Variants in PARN observed in about 807,000 individuals in gnomAD.
The protein encoded by PARN is poly(A)-specific ribonuclease, also known as poly(A)-specific ribonuclease PARN.
PARN carries 71 observed loss-of-function variants against 102.8 expected under a neutral mutation model. That is an observed-to-expected ratio of 0.69 (90% CI 0.57 to 0.84). The LOEUF (loss-of-function observed/expected upper bound fraction) is 0.84, where lower values mean the gene tolerates loss of function less well. Among genes scored for constraint, PARN ranks in the 40% least tolerant of loss-of-function variants. The probability of loss-of-function intolerance (pLI) is 0.00; values close to 1 mark genes in which losing one functional copy is unlikely to be tolerated. For synonymous variants in PARN, 261 were observed against 252.9 expected (o/e 1.03, Z -0.30); for missense variants, 782 against 760.9 (o/e 1.03, Z -0.33).
At chr16:14,492,549 T>A (rs147686874) in intron 21 of PARN, among the ~76,000 whole-genome samples, 1 of 151,982 alleles carries the variant, frequency 6.6e-6, no homozygotes, top group East Asian at 1.9e-4. Flanking sequence ...CAGGGCAGAG[T>A]GTGATCTTGG....
chr16:14,587,183 T>C (rs1173858852), intron 13 of PARN, among the ~76,000 whole-genome samples: 2 of 152,224 alleles, frequency 1.3e-5, no homozygotes, highest in East Asian at 3.8e-4. Context: ...GCTAGCCTGA[T>C]ATATTTACCA....
intron 22 of PARN, among the ~76,000 whole-genome samples, chr16:14,468,613 T>C (rs1048539134): frequency 6.6e-6 from 1 of 152,208 alleles, no homozygotes; most frequent in Non-Finnish European, 1.5e-5. Context: ...CTAATTATTC[T>C]GTTCGGAACC....
chr16:14,581,849 G>A (rs950430271), intron 17 of PARN, among the ~76,000 whole-genome samples: 2 of 152,214 alleles, frequency 1.3e-5, no homozygotes, highest in African/African-American at 4.8e-5. Flanking sequence ...GTTGCAGTAA[G>A]CTATGATTGA....
At chr16:14,549,765 A>G (rs1188641342) in intron 21 of PARN, among the ~76,000 whole-genome samples, 1 of 152,236 alleles carries the variant, frequency 6.6e-6, no homozygotes, top group African/African-American at 2.4e-5. Flanking sequence ...TTTAATAATT[A>G]CCTACCACGG....
At chr16:14,566,184 T>C (rs1372021203) in intron 18 of PARN, among the ~76,000 whole-genome samples, 1 of 152,196 alleles carries the variant, frequency 6.6e-6, no homozygotes, top group Admixed American at 6.5e-5. Context: ...AAAGGAATCT[T>C]AGTAGATGTT....
intron 13 of PARN, among the ~76,000 whole-genome samples, chr16:14,590,834 A>T (rs1440680250): frequency 1.3e-5 from 2 of 152,126 alleles, no homozygotes; most frequent in East Asian, 3.8e-4. Context: ...TTTTTAAAGG[A>T]GGGTAATCAA....
intron 21 of PARN, among the ~76,000 whole-genome samples, chr16:14,502,227 C>T (rs1183545776): frequency 3.3e-5 from 5 of 152,162 alleles, no homozygotes; most frequent in African/African-American, 1.2e-4. Context: ...GGGGTGGGGA[C>T]GCTAAAGCTG....
chr16:14,458,325 C>T (rs1054294285), intron 22 of PARN, among the ~76,000 whole-genome samples: 5 of 152,148 alleles, frequency 3.3e-5, no homozygotes, highest in African/African-American at 1.2e-4. Context: ...AAAGGACTTA[C>T]TAATCAAATT....
chr16:14,540,356 C>T (rs969305919), intron 21 of PARN, among the ~76,000 whole-genome samples: 8 of 151,994 alleles, frequency 5.3e-5, no homozygotes, highest in Non-Finnish European at 8.8e-5. Context: ...TGTGCATTTC[C>T]TCTGTGACAA....
chr16:14,463,209 C>T (rs1596456183), intron 22 of PARN, among the ~76,000 whole-genome samples: 2 of 152,304 alleles, frequency 1.3e-5, no homozygotes, highest in East Asian at 3.9e-4. Context: ...CTGCTCCAGA[C>T]CCAGCAAACT....
intron 18 of PARN, among the ~76,000 whole-genome samples, chr16:14,572,334 G>A (rs1043652625): frequency 6.6e-6 from 1 of 151,916 alleles, no homozygotes; most frequent in Non-Finnish European, 1.5e-5. Flanking sequence ...GGGCTGGGAA[G>A]AAATCTTTTC....
At chr16:14,488,614 A>C (rs142867187) in intron 21 of PARN, among the ~76,000 whole-genome samples, 14 of 152,354 alleles carry the variant, frequency 9.2e-5, no homozygotes, top group Non-Finnish European at 1.5e-4. Context: ...GCCAGTGGAC[A>C]TATGCAGAGA....
chr16:14,552,162 G>T, intron 20 of PARN, 67 bp from the exon 21 acceptor site: 1 of 926,192 alleles, frequency 1.1e-6, no homozygotes, highest in Non-Finnish European at 1.8e-6. Flanking sequence ...TTTAATGCGC[G>T]TATCTTACAT....
chr16:14,609,290 T>C (rs1474007455), intron 7 of PARN, among the ~76,000 whole-genome samples, 167 bp from the exon 8 acceptor site: 2 of 152,204 alleles, frequency 1.3e-5, no homozygotes. Context: ...AAAAATGCTT[T>C]ATTTTGACCT....
intron 21 of PARN, among the ~76,000 whole-genome samples, chr16:14,539,495 C>T (rs1044736934): frequency 1.3e-5 from 2 of 152,194 alleles, no homozygotes; most frequent in Admixed American, 6.5e-5. Context: ...ATGAACATTT[C>T]GTAGCAGAGA....
chr16:14,544,864 TAAC>T (rs991953367), intron 21 of PARN, among the ~76,000 whole-genome samples: 35 of 152,218 alleles, frequency 2.3e-4, no homozygotes, highest in Admixed American at 1.6e-3. Context: ...AAAACTGATA[TAAC>T]AACTAAATCT....
chr16:14,610,350 A>G (rs1265590666), intron 7 of PARN, among the ~76,000 whole-genome samples: 1 of 151,856 alleles, frequency 6.6e-6, no homozygotes, highest in Non-Finnish European at 1.5e-5. Context: ...GTGCACGCCT[A>G]TAATCCCAGC....
Position 14,582,290 on chromosome 16 carries a change from T to C in PARN, c.1083A>G (p.Glu361=). 6.2e-7 allele frequency: 1 copy of C among 1,610,788 alleles called. No individual in the cohort carries two copies. The highest frequency in any genetic ancestry group is 8.5e-7 in the Non-Finnish European group (1 of 1,177,206). ...KETPFNPPKV[E]SAEGFPSYDT... is the part of the protein sequence containing the mutation. ...CATAACTTGGAAAACCTTCGGCACTTTCTAAGAAAAAAAAGGAAAAAGTTT... is the reference window on the plus strand; with the variant it reads ...CATAACTTGGAAAACCTTCGGCACTCTCTAAGAAAAAAAAGGAAAAAGTTT... Residue 361 remains glutamate (E), a splice_region_variant and synonymous_variant, in exon 17 of 24, where the codon GAA becomes GAG. Transcript: ENST00000437198.
At chr16:14,582,701 A>G (rs1409747432) in intron 16 of PARN, among the ~76,000 whole-genome samples, 3 of 152,032 alleles carry the variant, frequency 2.0e-5, no homozygotes, top group Non-Finnish European at 2.9e-5. Flanking sequence ...GATTAAGAGC[A>G]TGGGCTCTGG....
Sources: allele counts gnomAD v4.1 joint callset (sites outside exome capture counted in the v4.1 genomes callset), GRCh38; gene constraint gnomAD v4.1.1; transcripts MANE v1.5; gene names NCBI Gene and HGNC (gene_info 2026-07-23, HGNC 2026-07-21).